RPS6KA2: variants seen among roughly 807,000 people sequenced by gnomAD.
The protein encoded by RPS6KA2 is ribosomal protein S6 kinase alpha-2.
In RPS6KA2, 42 loss-of-function variants were observed where a neutral mutation model predicts 91.8. The ratio of observed to expected loss-of-function variants is 0.46; its 90% confidence interval spans 0.36 to 0.59. RPS6KA2 has a LOEUF of 0.59. Ranked by LOEUF, RPS6KA2 falls within the 20% of genes least tolerant of loss-of-function variation. RPS6KA2 has a pLI of 0.00. For missense variants in RPS6KA2, 798 were observed against 978.5 expected (o/e 0.82, Z 2.46); for synonymous variants, 414 against 393.6 (o/e 1.05, Z -0.61).
chr6:166,414,366 G>C (rs1778426292), intron 19 of RPS6KA2, among the ~76,000 whole-genome samples: 1 of 152,112 alleles, frequency 6.6e-6, no homozygotes, highest in Non-Finnish European at 1.5e-5. Context: ...CAAATAATCA[G>C]AAACCGCAAA....
intron 1 of RPS6KA2, among the ~76,000 whole-genome samples, chr6:166,594,811 T>G (rs908579584): frequency 6.6e-6 from 1 of 152,242 alleles, no homozygotes; most frequent in Non-Finnish European, 1.5e-5. Flanking sequence ...ACTTTCATAG[T>G]GCTTTTCTGC....
chr6:166,768,350 C>T (rs1778375715), intron 2 of RPS6KA2, among the ~76,000 whole-genome samples: 1 of 152,162 alleles, frequency 6.6e-6, no homozygotes, highest in African/African-American at 2.4e-5. Context: ...AGAGGACATA[C>T]AATTAGCTGT....
At chr6:166,633,476 G>A (rs565643484) in intron 2 of RPS6KA2, among the ~76,000 whole-genome samples, 4 of 152,310 alleles carry the variant, frequency 2.6e-5, no homozygotes, top group Admixed American at 6.5e-5. Flanking sequence ...CAGCCAAACC[G>A]CTTTGAGGCT....
At chr6:166,645,513 C>T (rs953529649) in intron 2 of RPS6KA2, among the ~76,000 whole-genome samples, 3 of 152,222 alleles carry the variant, frequency 2.0e-5, no homozygotes, top group Non-Finnish European at 2.9e-5. Context: ...TCAACCTGCT[C>T]ACCTCTGTCC....
intron 2 of RPS6KA2, among the ~76,000 whole-genome samples, chr6:166,645,906 G>A (rs1435092872): frequency 6.6e-6 from 1 of 152,208 alleles, no homozygotes; most frequent in Non-Finnish European, 1.5e-5. Flanking sequence ...GTCAGAAGGT[G>A]AACTAAAGGA....
At chr6:166,736,385 A>G (rs143261094) in intron 2 of RPS6KA2, among the ~76,000 whole-genome samples, 2 of 152,280 alleles carry the variant, frequency 1.3e-5, no homozygotes, top group East Asian at 3.9e-4. Context: ...CCTGAAGACT[A>G]TTCTCAGGTG....
chr6:166,544,920 A>G (rs1004500972), intron 1 of RPS6KA2, among the ~76,000 whole-genome samples: 1 of 152,214 alleles, frequency 6.6e-6, no homozygotes, highest in Admixed American at 6.5e-5. Flanking sequence ...CAGAACGAGT[A>G]CCCTCAAGAA....
At chr6:166,590,897 A>G (rs1050739613) in intron 1 of RPS6KA2, among the ~76,000 whole-genome samples, 2 of 152,204 alleles carry the variant, frequency 1.3e-5, no homozygotes, top group Non-Finnish European at 2.9e-5. Context: ...GCTGGATTTA[A>G]AAACAGATTA....
At chr6:166,561,782 A>C (rs1379847458) in intron 1 of RPS6KA2, among the ~76,000 whole-genome samples, 7 of 152,104 alleles carry the variant, frequency 4.6e-5, no homozygotes, top group East Asian at 1.9e-4. Context: ...AAGAAGAAGA[A>C]GACGATGGGC....
chr6:166,812,980 G>GT (rs1340141600), intron 2 of RPS6KA2, among the ~76,000 whole-genome samples: 6 of 152,088 alleles, frequency 3.9e-5, no homozygotes, highest in East Asian at 3.9e-4. Flanking sequence ...GCCTCATGGG[G>GT]TTTTTTCTCC....
intron 2 of RPS6KA2, among the ~76,000 whole-genome samples, chr6:166,816,554 CA>C (rs762549959): frequency 0.013 from 1,842 of 137,898 alleles, 49 homozygotes; most frequent in African/African-American, 0.045. Flanking sequence ...GACTCCATCT[CA>C]AAAAAAAAAA....
intron 2 of RPS6KA2, among the ~76,000 whole-genome samples, chr6:166,655,727 T>C (rs1158932574): frequency 6.6e-6 from 1 of 152,098 alleles, no homozygotes; most frequent in Non-Finnish European, 1.5e-5. Context: ...CTATAAAAGG[T>C]TGGAAACACA....
rs192543917 is a variant in RPS6KA2 at position 166,679,613 on chromosome 6, C to T, written c.124-140829G>A. Among the ~76,000 whole-genome samples the T allele has an allele frequency of 5.3e-5, 8 of 152,374 alleles. No homozygotes were observed. In the South Asian group the frequency reaches 1.0e-3, roughly 20 times the overall value. On this transcript the variant is annotated intron_variant, in intron 2 of 21. Transcript: ENST00000503859. ...TAACAACGTGCTAGCAGCCCTGGCT[C>T]GCTCTCGGCACCTCCTCAACCTGGC...
intron 8 of RPS6KA2, among the ~76,000 whole-genome samples, chr6:166,497,909 A>ACTCACTGCACGCCTG (rs1365098165): frequency 6.6e-6 from 1 of 151,676 alleles, no homozygotes; most frequent in Non-Finnish European, 1.5e-5. Context: ...ATTCCAGAGC[A>ACTCACTGCACGCCTG]CTCACTGCAC....
chr6:166,430,626 A>C lies in RPS6KA2; in HGVS notation c.1423-15T>G, dbSNP rs1277443813. ...TCATCATAGACCTGCGGAGTGGAGA[A>C]GGGGCGCACACGTCACCACGGCTGG... On this transcript the variant is annotated splice_polypyrimidine_tract_variant and intron_variant, in intron 15 of 20. Transcript: ENST00000265678. The C allele has an allele frequency of 1.4e-5, 22 of 1,605,522 alleles. No individual in the cohort carries two copies. The Admixed American group carries it at 3.5e-4, about 26-fold the overall frequency.
At chr6:166,689,261 C>A (rs967892774) in intron 2 of RPS6KA2, among the ~76,000 whole-genome samples, 2 of 152,230 alleles carry the variant, frequency 1.3e-5, no homozygotes, top group African/African-American at 4.8e-5. Context: ...AAACAGAACT[C>A]GTGTCTGAAT....
chr6:166,796,293 A>T (rs1364973554), intron 2 of RPS6KA2, among the ~76,000 whole-genome samples: 1 of 152,192 alleles, frequency 6.6e-6, no homozygotes, highest in South Asian at 2.1e-4. Context: ...ATGGCCCCCT[A>T]AAAATCTGGC....
At chr6:166,703,979 T>A (rs1357201394) in intron 2 of RPS6KA2, among the ~76,000 whole-genome samples, 1 of 152,264 alleles carries the variant, frequency 6.6e-6, no homozygotes, top group East Asian at 1.9e-4. Flanking sequence ...CCAGCTGCTG[T>A]CTTCAGAAGA....
intron 1 of RPS6KA2, among the ~76,000 whole-genome samples, chr6:166,609,378 T>C (rs1481854507): frequency 6.6e-6 from 1 of 152,164 alleles, no homozygotes; most frequent in Non-Finnish European, 1.5e-5. Flanking sequence ...GGGGTGAGAT[T>C]AGATGATTCT....
Sources: allele counts gnomAD v4.1 joint callset (sites outside exome capture counted in the v4.1 genomes callset), GRCh38; gene constraint gnomAD v4.1.1; transcripts MANE v1.5; gene names NCBI Gene and HGNC (gene_info 2026-07-23, HGNC 2026-07-21).